Variants in HCK observed in about 807,000 individuals in gnomAD.
The protein encoded by HCK is HCK proto-oncogene, Src family tyrosine kinase.
In HCK, 40 loss-of-function variants were observed where a neutral mutation model predicts 70.4. The observed-to-expected ratio is 0.57, with a 90% CI of 0.44 to 0.74. HCK has a LOEUF of 0.74. Ranked by LOEUF, HCK falls within the 30% of genes least tolerant of loss-of-function variation. The pLI is 0.00. For synonymous variants in HCK, 245 were observed against 263.2 expected, an observed-to-expected ratio of 0.93 and a Z score of 0.67; for missense variants, 568 against 697.2, an observed-to-expected ratio of 0.81 and a Z score of 2.09.
At chr20:32,071,549 G>A (rs2045538332) in intron 1 of HCK, 113 bp from the exon 2 acceptor site, 47 of 1,357,220 alleles carry the variant, frequency 3.5e-5, no homozygotes, top group Non-Finnish European at 4.7e-5. Context: ...TTAAGACCGG[G>A]AAGGCCAGTG....
chr20:32,096,267 G>A (rs2045953503), intron 11 of HCK, among the ~76,000 whole-genome samples: 1 of 151,606 alleles, frequency 6.6e-6, no homozygotes. Context: ...GGGAGGCCAA[G>A]GCAGGCGGAT....
At chr20:32,084,121 G>A in intron 7 of HCK, 78 bp downstream of exon 7, 1 of 1,471,124 alleles carries the variant, frequency 6.8e-7, no homozygotes, top group Non-Finnish European at 9.3e-7. Context: ...TGTGGCCCCT[G>A]AGACCTGCTG....
At chr20:32,083,788 G>C (rs1239388389) in intron 6 of HCK, 106 bp from the exon 7 acceptor site, 2 of 1,349,850 alleles carry the variant, frequency 1.5e-6, no homozygotes, top group Admixed American at 1.8e-5. Context: ...TTCTGCCCAG[G>C]TGTCAGGACG....
intron 6 of HCK, 126 bp from the exon 7 acceptor site, chr20:32,083,768 C>A: frequency 3.6e-6 from 4 of 1,116,938 alleles, no homozygotes; most frequent in Non-Finnish European, 5.4e-6. Context: ...CCACTCAGAC[C>A]CTCGGGCACT....
intron 4 of HCK, 65 bp from the exon 5 acceptor site, chr20:32,074,558 G>A (rs2045593927): frequency 8.3e-7 from 1 of 1,204,842 alleles, no homozygotes; most frequent in East Asian, 2.3e-5. Flanking sequence ...CAAGGCTGGG[G>A]AGCTTGAGGA....
intron 10 of HCK, 21 bp downstream of exon 10, chr20:32,088,665 C>A: frequency 6.3e-7 from 1 of 1,597,866 alleles, no homozygotes; most frequent in Non-Finnish European, 8.6e-7. Flanking sequence ...AACGAGGAAA[C>A]GGGGAAGGGA....
intron 8 of HCK, 92 bp downstream of exon 8, chr20:32,084,635 A>G: frequency 8.3e-7 from 1 of 1,203,924 alleles, no homozygotes. Flanking sequence ...CAAAGCGGGA[A>G]TGCTACCCAA....
intron 1 of HCK, among the ~76,000 whole-genome samples, chr20:32,065,599 C>T (rs1043193443): frequency 2.0e-5 from 3 of 152,182 alleles, no homozygotes; most frequent in Admixed American, 6.5e-5. Flanking sequence ...GTTCCTACAT[C>T]TCAACAATCC....
chr20:32,052,351 G>T lies in HCK; in HGVS notation c.-74G>T, dbSNP rs1434608074. 7 of 1,101,846 alleles carry T rather than the reference G, an allele frequency of 6.4e-6. No individual in the cohort carries two copies. Among genetic ancestry groups the T allele is most frequent in the Non-Finnish European group, 8.3e-6 (7 of 844,990 alleles). 68.3% of individuals were successfully genotyped at this position (1,101,846 alleles called of 1,614,324 possible). On this transcript the variant is annotated 5_prime_UTR_variant, in exon 1 of 13. Coordinates refer to ENST00000375852, the MANE Select transcript of HCK (RefSeq NM_002110.5). ...GCCCGCGGCACCAAAGCCCCTCAGA[G>T]CGTCGCCCCCGCCTCTAGTTCTAGA... is the stretch of plus-strand genomic sequence containing the variant.
At chr20:32,087,411 C>T (rs1218396016) in intron 9 of HCK, among the ~76,000 whole-genome samples, 3 of 152,004 alleles carry the variant, frequency 2.0e-5, no homozygotes, top group Admixed American at 2.0e-4. Context: ...CCCAGCCCCC[C>T]GAGTGGCTGG....
intron 1 of HCK, chr20:32,069,585 C>T: frequency 2.6e-6 from 1 of 387,064 alleles, no homozygotes; most frequent in Admixed American, 3.6e-5. Flanking sequence ...GTTTTAAATG[C>T]ATGCAAGTAC....
chr20:32,083,747 G>C (rs924048850), intron 6 of HCK, 147 bp from the exon 7 acceptor site: 4 of 854,958 alleles, frequency 4.7e-6, no homozygotes, highest in Non-Finnish European at 7.6e-6. Flanking sequence ...AGGATGCCTG[G>C]CTCCCACAGC....
At position 32,101,335 on chromosome 20, in the gene HCK, T is replaced by C; in HGVS notation, c.1397T>C (p.Val466Ala). The change falls in exon 13 of 13, where the codon GTG (valine) becomes GCG (alanine). Residue 466 changes from valine (V) to alanine (A), a missense_variant. By Grantham distance (64) the Val-to-Ala change is moderately conservative. This residue lies in a region of HCK where 160 missense variants were observed against 237.5 expected (regional missense o/e 0.67). Transcript: ENST00000375852. ...TTTTCAGGGATGTCAAACCCTGAAG[T>C]GATCCGAGCTCTGGAGCGTGGATAC... 1 of 1,614,092 alleles carries C rather than the reference T, an allele frequency of 6.2e-7. No homozygotes were observed. The highest frequency in any genetic ancestry group is 8.5e-7 in the Non-Finnish European group (1 of 1,179,996).
intron 11 of HCK, among the ~76,000 whole-genome samples, chr20:32,094,837 GAAA>G (rs2045932207): frequency 8.8e-6 from 1 of 113,254 alleles, no homozygotes; most frequent in Non-Finnish European, 2.0e-5. Flanking sequence ...AAGAAAGAAA[GAAA>G]GAAAGAAAGA....
chr20:32,089,405 C>T (rs6089170), intron 10 of HCK, among the ~76,000 whole-genome samples: 70,001 of 152,106 alleles, frequency 0.46, 18,870 homozygotes, highest in African/African-American at 0.76. Context: ...GTGGCTTGCA[C>T]AAGTTACTGT....
chr20:32,077,780 T>C (rs1174692856), intron 5 of HCK, among the ~76,000 whole-genome samples: 2 of 152,202 alleles, frequency 1.3e-5, no homozygotes, highest in Non-Finnish European at 2.9e-5. Context: ...TGCCTTGGCC[T>C]CCCAAAGTGC....
At chr20:32,090,785 C>T (rs2045854350) in intron 10 of HCK, among the ~76,000 whole-genome samples, 1 of 152,174 alleles carries the variant, frequency 6.6e-6, no homozygotes, top group African/African-American at 2.4e-5. Context: ...AGTCAGCAGA[C>T]CCTGGAGAAG....
intron 10 of HCK, among the ~76,000 whole-genome samples, chr20:32,091,994 GAAGA>G (rs1366189505): frequency 3.5e-4 from 53 of 151,266 alleles, no homozygotes; most frequent in South Asian, 4.2e-4. Flanking sequence ...AAAAAAAAAA[GAAGA>G]AAGAAAAGAA....
At chr20:32,074,304 C>G (rs1191008484) in intron 4 of HCK, among the ~76,000 whole-genome samples, 1 of 152,142 alleles carries the variant, frequency 6.6e-6, no homozygotes, top group African/African-American at 2.4e-5. Context: ...TTCTGAGTCT[C>G]TATAGGCACA....
Sources: allele counts gnomAD v4.1 joint callset (sites outside exome capture counted in the v4.1 genomes callset), GRCh38; gene constraint gnomAD v4.1.1; regional missense constraint gnomAD v4.1.1; transcripts MANE v1.5; gene names NCBI Gene and HGNC (gene_info 2026-07-23, HGNC 2026-07-21).